The following XYLT2 variants were observed in gnomAD, a reference collection of about 807,000 sequenced individuals.
XYLT2 encodes UDP-D-xylose:proteoglycan core protein beta-D-xylosyltransferase.
XYLT2 carries 37 observed loss-of-function variants against 82.6 expected under a neutral mutation model. The observed-to-expected ratio is 0.45, with a 90% CI of 0.34 to 0.59. XYLT2 has a LOEUF of 0.59. Ranked by LOEUF, XYLT2 falls within the 20% of genes least tolerant of loss-of-function variation. The pLI is 0.01. For missense variants in XYLT2, 934 were observed against 1,181.3 expected (o/e 0.79, Z 3.07); for synonymous variants, 474 against 499.0 (o/e 0.95, Z 0.67).
chr17:50,353,681 G>T lies in XYLT2; in HGVS notation c.187G>T (p.Asp63Tyr). 2 of 1,566,094 alleles carry T rather than the reference G, an allele frequency of 1.3e-6. No homozygotes were observed. The highest frequency in any genetic ancestry group is 1.7e-6 in the Non-Finnish European group (2 of 1,154,274). ...ACTGGACCCTGGCGAGGGTTCCAAG[G>T]ACACAGACAGTTCAGCAGGGCGACG... ...RPLDPGEGSK[D>Y]TDSSAGRRGS... Residue 63 changes from aspartate (D) to tyrosine (Y), a missense_variant, in exon 2 of 11, where the codon GAC becomes TAC. Asp to Tyr is a radical substitution (Grantham distance 160). This residue lies in a region of XYLT2 where 371 missense variants were observed against 394.9 expected (regional missense o/e 0.94). Transcript: ENST00000017003.
chr17:50,356,421 G>C (rs1425614418), intron 7 of XYLT2, 90 bp from the exon 8 acceptor site: 2 of 1,560,156 alleles, frequency 1.3e-6, no homozygotes, highest in African/African-American at 2.7e-5. Context: ...GCCGCAGGAG[G>C]CTGAGCTCTA....
Position 50,346,963 on chromosome 17 carries a change from T to C in XYLT2, c.135+688T>C. ...AGTTGGCCTCAGGACCTTAGGGAAT[T>C]AGGGAGGGGCCCTCTGGCTTTAAGG... On this transcript the variant is annotated intron_variant, in intron 1 of 10. Coordinates refer to ENST00000017003, the MANE Select transcript of XYLT2 (RefSeq NM_022167.4). This position sits in a 1 kb window ranked among gnomAD's most constrained non-coding sequence, Gnocchi z 5.1. 1.0e-6 allele frequency: 1 copy of C among 981,588 alleles called. No homozygotes were observed. The highest frequency in any genetic ancestry group is 1.2e-6 in the Non-Finnish European group (1 of 826,606). The allele number at this position is 981,588 out of a possible 1,614,324, so 60.8% of individuals were successfully genotyped here.
At position 50,354,580 on chromosome 17, in the gene XYLT2, C is replaced by G. The variant is rs146072092; in HGVS notation, c.801C>G (p.Asp267Glu). ...HEQHFFYIHV[D>E]KRSDYLHREV... ...AGCACTTCTTTTACATCCATGTGGA[C>G]AAGGTACTGTGGTGGGGAGAGGCCA... is the stretch of plus-strand genomic sequence containing the variant. The change falls in exon 3 of 11, where the codon GAC (aspartate) becomes GAG (glutamate). Residue 267 changes from aspartate to glutamate, a missense_variant. Asp to Glu is a conservative substitution (Grantham distance 45, BLOSUM62 2). Transcript: ENST00000017003. 6.2e-6 allele frequency: 10 copies of G among 1,607,004 alleles called. No individual in the cohort carries two copies. The highest frequency in any genetic ancestry group is 8.5e-6 in the Non-Finnish European group (10 of 1,176,912).
At chr17:50,349,423 G>A (rs1912164013) in intron 1 of XYLT2, among the ~76,000 whole-genome samples, 1 of 152,086 alleles carries the variant, frequency 6.6e-6, no homozygotes, top group Non-Finnish European at 1.5e-5. Context: ...GATGGGAATG[G>A]GCGCCCCCAG....
rs748043559 is a variant in XYLT2 at position 50,356,126 on chromosome 17, G to C, written c.1347G>C (p.Glu449Asp). ...TGCTGGAGAACAGCCTGGCCTGTGA[G>C]ACCCTCGTGGACAACAACCTGCGGG... ...HTVLENSLAC[E>D]TLVDNNLRVT... Residue 449 changes from glutamate to aspartate, a missense_variant, in exon 7 of 11, where the codon GAG becomes GAC. Physicochemically the swap from Glu to Asp is conservative, Grantham distance 45. Transcript: ENST00000017003. 11 of 1,614,128 alleles carry C rather than the reference G, an allele frequency of 6.8e-6. No individual in the cohort carries two copies. Among genetic ancestry groups the C allele is most frequent in the Admixed American group, 1.7e-5 (1 of 60,006 alleles).
chr17:50,351,894 C>G (rs577210277), intron 1 of XYLT2, among the ~76,000 whole-genome samples: 1 of 152,230 alleles, frequency 6.6e-6, no homozygotes, highest in Admixed American at 6.5e-5. Flanking sequence ...TTCAGAAACC[C>G]AGAGACTGAA....
Position 50,356,599 on chromosome 17 carries a change from G to C in XYLT2, c.1571G>C (p.Gly524Ala). 6.2e-7 allele frequency: 1 copy of C among 1,614,112 alleles called. No homozygotes were observed. Among genetic ancestry groups the C allele is most frequent in the Admixed American group, 1.7e-5 (1 of 60,016 alleles). ...GAAATCCTGGACTTCCACCTGTATGGCAGCTACCCCCCCGGCACGCCAGCC... is the reference window on the plus strand; with the variant it reads ...GAAATCCTGGACTTCCACCTGTATGCCAGCTACCCCCCCGGCACGCCAGCC... ...VLEILDFHLYGSYPPGTPALK... is the reference protein window; with the variant it reads ...VLEILDFHLYASYPPGTPALK... The change falls in exon 8 of 11, where the codon GGC (glycine) becomes GCC (alanine). Residue 524 changes from glycine to alanine, a missense_variant. Transcript: ENST00000017003.
chr17:50,349,376 A>G (rs1189906891), intron 1 of XYLT2, among the ~76,000 whole-genome samples: 2 of 151,986 alleles, frequency 1.3e-5, no homozygotes, highest in Non-Finnish European at 2.9e-5. Flanking sequence ...GGTAGAGAAT[A>G]GGGTCTGCTG....
chr17:50,360,887 G>A lies in XYLT2; in HGVS notation c.*596G>A. The A allele has an allele frequency of 1.0e-6, 1 of 985,944 alleles. No homozygotes were observed. Among genetic ancestry groups the A allele is most frequent in the Non-Finnish European group, 1.2e-6 (1 of 830,000 alleles). 61.1% of individuals were successfully genotyped at this position (985,944 alleles called of 1,614,324 possible). A position where few individuals can be genotyped will look rare whatever the true frequency, so the allele number is the denominator to read the frequency against. The stretch of plus-strand genomic sequence containing the variant: ...TGCAGAGCTGGGCTCTAGCAGGACA[G>A]TTCTTTTGTAGCCAGGGGACCCTAG... On this transcript the variant is annotated 3_prime_UTR_variant, in exon 11 of 11. Transcript: ENST00000017003.
intron 4 of XYLT2, 52 bp downstream of exon 4, chr17:50,355,108 G>A: frequency 6.6e-7 from 1 of 1,508,536 alleles, no homozygotes. Context: ...CCCTGTCTGG[G>A]CACCTGGGGT....
intron 7 of XYLT2, 112 bp downstream of exon 7, chr17:50,356,373 A>C (rs1912531010): frequency 1.3e-6 from 2 of 1,550,278 alleles, no homozygotes; most frequent in Non-Finnish European, 8.7e-7. Flanking sequence ...GCCTGCAGCA[A>C]CCCTCAGGGG....
In XYLT2 at chr17:50,358,243, C is replaced by T. The variant is rs761317517; in HGVS notation, c.1978C>T (p.Arg660Trp). The T allele has an allele frequency of 9.3e-6, 15 of 1,610,594 alleles. No individual in the cohort carries two copies. The highest frequency in any genetic ancestry group is 1.1e-5 in the South Asian group (1 of 90,972). The change falls in exon 10 of 11, where the codon CGG becomes TGG. Residue 660 changes from arginine to tryptophan, a missense_variant. Physicochemically the swap from Arg to Trp is moderately radical, Grantham distance 101. Around this residue, in one of 3 missense-constraint regions of XYLT2, gnomAD observed 374 missense variants for 465.6 expected, o/e 0.80. Coordinates refer to ENST00000017003, the MANE Select transcript of XYLT2 (RefSeq NM_022167.4). Reference sequence around the variant, plus strand: ...TTGGGACCCCAAAGAGCGTCTTTTCCGGAACTTTGGGGGGTTACTGGGGCC... The same window carrying T: ...TTGGGACCCCAAAGAGCGTCTTTTCTGGAACTTTGGGGGGTTACTGGGGCC... ...TDWDPKERLF[R>W]NFGGLLGPLD...
chr17:50,356,531 C>T lies in XYLT2; in HGVS notation c.1503C>T (p.Phe501=), dbSNP rs1254035262. Residue 501 remains phenylalanine (F), a synonymous_variant, in exon 8 of 11, where the codon TTC becomes TTT. Transcript: ENST00000017003. ...LRLQQVSRPT[F]FARKFESTVN... Reference sequence around the variant, plus strand: ...TCCAGCAAGTCTCCAGACCCACCTTCTTCGCCCGGAAGTTCGAGTCGACTG... The same window carrying T: ...TCCAGCAAGTCTCCAGACCCACCTTTTTCGCCCGGAAGTTCGAGTCGACTG... The T allele has an allele frequency of 6.2e-7, 1 of 1,614,144 alleles. No homozygotes were observed. The highest frequency in any genetic ancestry group is 8.5e-7 in the Non-Finnish European group (1 of 1,180,020).
rs142963935 is a variant in XYLT2, at chr17:50,355,824, G to A, written c.1132G>A (p.Asp378Asn). The A allele has an allele frequency of 1.5e-5, 25 of 1,614,146 alleles. No homozygotes were observed. The highest frequency in any genetic ancestry group is 1.0e-4 in the Admixed American group (6 of 60,016). The change falls in exon 6 of 11, where the codon GAC (aspartate) becomes AAC (asparagine). Residue 378 changes from aspartate (D) to asparagine (N), a missense_variant. Asp to Asn is a conservative substitution (Grantham distance 23). Transcript: ENST00000017003. ...QGLDRLFHEC[D>N]SHMWRLGERQ... ...CCTGGACCGGCTCTTCCATGAGTGC[G>A]ACTCACACATGTGGCGCCTGGGCGA... is the stretch of plus-strand genomic sequence containing the variant.
At position 50,360,645 on chromosome 17, in the gene XYLT2, A is replaced by G. The variant is rs1912771327; in HGVS notation, c.*354A>G. ...GAGAAACTAGAACAGAAGATGTGCA[A>G]TAGGGCTCAGAGCAGCCCCAGGAAG... On this transcript the variant is annotated 3_prime_UTR_variant, in exon 11 of 11. Transcript: ENST00000017003. 2 of 1,028,196 alleles carry G rather than the reference A, an allele frequency of 1.9e-6. No homozygotes were observed. Among genetic ancestry groups the G allele is most frequent in the Admixed American group, 1.1e-4 (2 of 18,108 alleles). 63.7% of individuals were successfully genotyped at this position (1,028,196 alleles called of 1,614,324 possible).
intron 1 of XYLT2, among the ~76,000 whole-genome samples, chr17:50,353,338 G>C (rs1912348730): frequency 6.6e-6 from 1 of 152,108 alleles, no homozygotes; most frequent in Admixed American, 6.5e-5. Context: ...AAAAGGAAGT[G>C]GTATCTGAGT....
In XYLT2 at chr17:50,356,247, T is replaced by C. The variant is rs780841525; in HGVS notation, c.1468T>C (p.Phe490Leu). ...CSPNDFKPQD[F>L]LRLQQVSRPT... ...CCCCAACGACTTCAAGCCACAGGAC[T>C]TCCTCCGGCTGCAGGTGCTTGCCCG... is the stretch of plus-strand genomic sequence containing the variant. The change falls in exon 7 of 11, where the codon TTC becomes CTC. Residue 490 changes from phenylalanine (F) to leucine (L), a missense_variant. Physicochemically the swap from Phe to Leu is conservative, Grantham distance 22. Around this residue, in one of 3 missense-constraint regions of XYLT2, gnomAD observed 189 missense variants for 320.8 expected, o/e 0.59. Coordinates refer to ENST00000017003, the MANE Select transcript of XYLT2 (RefSeq NM_022167.4). 1.2e-6 allele frequency: 2 copies of C among 1,613,368 alleles called. No homozygotes were observed. The highest frequency in any genetic ancestry group is 1.1e-5 in the South Asian group (1 of 91,082).
In XYLT2 at chr17:50,355,061, G is replaced by A; in HGVS notation, c.1007+5G>A. On this transcript the variant is annotated splice_donor_5th_base_variant and intron_variant, in intron 4 of 10. Coordinates refer to ENST00000017003, the MANE Select transcript of XYLT2 (RefSeq NM_022167.4). ...TGCCACTGACTATCCAACCAGGTGT[G>A]GGGATGGGGCTCTGAGTCCTCTGCA... is the stretch of plus-strand genomic sequence containing the variant. 2.6e-6 allele frequency: 4 copies of A among 1,527,380 alleles called. No homozygotes were observed. The highest frequency in any genetic ancestry group is 3.5e-6 in the Non-Finnish European group (4 of 1,138,770). The allele number at this position is 1,527,380 out of a possible 1,614,324, so 94.6% of individuals were successfully genotyped here. A position where few individuals can be genotyped will look rare whatever the true frequency, so the allele number is the denominator to read the frequency against.
chr17:50,346,611 G>A lies in XYLT2; in HGVS notation c.135+336G>A, dbSNP rs920425383. On this transcript the variant is annotated intron_variant, in intron 1 of 10. Coordinates refer to ENST00000017003, the MANE Select transcript of XYLT2 (RefSeq NM_022167.4). The surrounding 1 kb of genome is among the most constrained non-coding windows in gnomAD (Gnocchi z 5.1). ...GGGGCTGGGAGGCGGGGCTGGGCCC[G>A]AACCTGCTCGGAGGTGGGGAGCCCC... 30 of 985,170 alleles carry A rather than the reference G, an allele frequency of 3.0e-5. No homozygotes were observed. The African/African-American group carries it at 5.2e-4, about 17-fold the overall frequency. The allele number at this position is 985,170 out of a possible 1,614,324, so 61.0% of individuals were successfully genotyped here. A position where few individuals can be genotyped will look rare whatever the true frequency, so the allele number is the denominator to read the frequency against.
Sources: gnomAD v4.1 joint callset for allele counts (sites outside exome capture counted in the v4.1 genomes callset) on GRCh38, gnomAD v4.1.1 for gene constraint, gnomAD v4.1.1 regional missense constraint, Gnocchi (gnomAD v3.1) non-coding constraint, MANE v1.5 for transcripts, NCBI Gene and HGNC (gene_info 2026-07-23, HGNC 2026-07-21) for gene names.